TSNARE1: variants seen among roughly 807,000 people sequenced by gnomAD.
TSNARE1 encodes t-SNARE domain-containing protein 1.
In TSNARE1, 49 loss-of-function variants were observed where a neutral mutation model predicts 62.0. That is an observed-to-expected ratio of 0.79 (90% confidence interval 0.63 to 1.00). The LOEUF (loss-of-function observed/expected upper bound fraction) is 1.00. Among genes scored for constraint, TSNARE1 ranks in the 50% least tolerant of loss-of-function variants. The pLI, the probability that TSNARE1 is intolerant of heterozygous loss-of-function variation, is 0.00. For synonymous variants in TSNARE1, 328 were observed against 294.4 expected, an observed-to-expected ratio of 1.11 and a Z score of -1.17; for missense variants, 755 against 700.1, an observed-to-expected ratio of 1.08 and a Z score of -0.88.
chr8:142,295,495 C>T (rs1205156077), intron 10 of TSNARE1, among the ~76,000 whole-genome samples: 7 of 152,210 alleles, frequency 4.6e-5, no homozygotes, highest in Non-Finnish European at 8.8e-5. Flanking sequence ...CGGAGAGTCC[C>T]AGCACCATGG....
At chr8:142,403,689 C>G (rs1159033914), upstream of TSNARE1, 1 of 152,140 alleles carries the variant, frequency 6.6e-6, no homozygotes, top group African/African-American at 2.4e-5. Flanking sequence ...GCGGGGACTC[C>G]GGACTCCCAG....
intron 4 of TSNARE1, among the ~76,000 whole-genome samples, chr8:142,334,827 T>C (rs1359357459): frequency 6.6e-6 from 1 of 152,118 alleles, no homozygotes; most frequent in Non-Finnish European, 1.5e-5. Context: ...AACCTGCAAC[T>C]AGAATTCTAC....
Position 142,212,274 on chromosome 8 carries a change from G to A in TSNARE1, c.*51C>T, listed in dbSNP as rs1236200439. On this transcript the variant is annotated 3_prime_UTR_variant, in exon 14 of 14. Transcript: ENST00000524325. ...GCCAGGAGGGGTGCTCGGGGCTGGA[G>A]AGCCCACACCACAGCCAGCTGACGG... 6.6e-6 allele frequency: 1 copy of A among 152,278 alleles called. No homozygotes were observed. The highest frequency in any genetic ancestry group is 2.4e-5 in the African/African-American group (1 of 41,458). 9.4% of individuals were successfully genotyped at this position (152,278 alleles called of 1,614,324 possible).
chr8:142,284,553 T>C (rs1586543456), intron 10 of TSNARE1, 68 bp from the exon 11 acceptor site: 1 of 40 alleles, frequency 0.025, no homozygotes, highest in South Asian at 0.5. Context: ...CACCTGAAAG[T>C]TTCCCATGGA....
At chr8:142,220,614 G>A (rs949544836) in intron 13 of TSNARE1, among the ~76,000 whole-genome samples, 1 of 152,194 alleles carries the variant, frequency 6.6e-6, no homozygotes, top group Admixed American at 6.5e-5. Flanking sequence ...CTTCTGATCC[G>A]CTCAGCACAG....
chr8:142,343,350 C>CT (rs1051218529), intron 4 of TSNARE1, among the ~76,000 whole-genome samples: 5 of 152,036 alleles, frequency 3.3e-5, no homozygotes, highest in African/African-American at 1.2e-4. Flanking sequence ...TCAGCTTTTT[C>CT]TTTCATGAGT....
intron 12 of TSNARE1, among the ~76,000 whole-genome samples, chr8:142,250,344 G>A (rs1232680685): frequency 6.6e-6 from 1 of 152,184 alleles, no homozygotes; most frequent in Non-Finnish European, 1.5e-5. Context: ...GTAGGAGCGA[G>A]TTAGAGCTCC....
intron 11 of TSNARE1, chr8:142,275,979 G>A: frequency 3.0e-6 from 3 of 985,448 alleles, no homozygotes; most frequent in Non-Finnish European, 3.6e-6. Flanking sequence ...TGGGCAGGAG[G>A]TGGAACCCAT....
intron 12 of TSNARE1, among the ~76,000 whole-genome samples, chr8:142,254,104 G>C (rs998909410): frequency 6.6e-6 from 1 of 152,242 alleles, no homozygotes; most frequent in Non-Finnish European, 1.5e-5. Flanking sequence ...TTGGCAGAAG[G>C]CACCAGACAG....
chr8:142,279,227 C>A (rs1820994673), intron 11 of TSNARE1, among the ~76,000 whole-genome samples: 1 of 152,260 alleles, frequency 6.6e-6, no homozygotes, highest in Non-Finnish European at 1.5e-5. Context: ...CTAAGGACAG[C>A]CGTGCTCACC....
intron 11 of TSNARE1, among the ~76,000 whole-genome samples, chr8:142,281,388 G>A (rs183430043): frequency 1.6e-3 from 248 of 152,188 alleles, no homozygotes; most frequent in African/African-American, 5.8e-3. Context: ...GAGCGGGAAA[G>A]ACACCAAAAC....
At chr8:142,284,969 G>T (rs960722683) in intron 10 of TSNARE1, among the ~76,000 whole-genome samples, 1 of 152,218 alleles carries the variant, frequency 6.6e-6, no homozygotes, top group Non-Finnish European at 1.5e-5. Context: ...TTCCCTCTCT[G>T]TGTAACAGCA....
chr8:142,300,743 T>C (rs920987659), intron 9 of TSNARE1, 99 bp from the exon 10 acceptor site: 2 of 1,232,332 alleles, frequency 1.6e-6, no homozygotes, highest in African/African-American at 1.4e-5. Context: ...CCCTTCACTA[T>C]CCCCATCTGC....
intron 12 of TSNARE1, among the ~76,000 whole-genome samples, chr8:142,234,716 A>G (rs978232522): frequency 9.9e-5 from 15 of 152,174 alleles, no homozygotes; most frequent in African/African-American, 3.6e-4. Context: ...ACAGATAGGC[A>G]CCCCATCCAC....
chr8:142,353,207 T>C (rs1834331558), intron 2 of TSNARE1, among the ~76,000 whole-genome samples: 1 of 152,108 alleles, frequency 6.6e-6, no homozygotes, highest in Non-Finnish European at 1.5e-5. Flanking sequence ...GGGCTGGCAG[T>C]CCTAGTCCCT....
intron 7 of TSNARE1, among the ~76,000 whole-genome samples, chr8:142,317,982 C>A (rs929015202): frequency 5.3e-5 from 8 of 152,092 alleles, no homozygotes; most frequent in African/African-American, 1.9e-4. Flanking sequence ...AAATTGCGGA[C>A]AGGGTGGAAA....
chr8:142,361,010 C>T (rs1377848954), intron 1 of TSNARE1, among the ~76,000 whole-genome samples: 4 of 152,100 alleles, frequency 2.6e-5, no homozygotes, highest in Non-Finnish European at 1.5e-5. Context: ...CAGCGTTCCC[C>T]GGGCCGGGGC....
intron 13 of TSNARE1, among the ~76,000 whole-genome samples, chr8:142,221,510 G>A (rs1816208500): frequency 6.6e-6 from 1 of 152,228 alleles, no homozygotes; most frequent in Non-Finnish European, 1.5e-5. Flanking sequence ...AAAAATACTT[G>A]ATTGATCGTT....
chr8:142,381,108 G>A (rs1564005117), intron 1 of TSNARE1, among the ~76,000 whole-genome samples: 1 of 152,220 alleles, frequency 6.6e-6, no homozygotes, highest in African/African-American at 2.4e-5. Context: ...CCTTGCCCTG[G>A]CCCAACTGCT....
Sources: gnomAD v4.1 joint callset for allele counts (sites outside exome capture counted in the v4.1 genomes callset) on GRCh38, gnomAD v4.1.1 for gene constraint, MANE v1.5 for transcripts, NCBI Gene and HGNC (gene_info 2026-07-23, HGNC 2026-07-21) for gene names.